The following NCAPD3 variants were observed in gnomAD, a reference collection of about 807,000 sequenced individuals.
NCAPD3 encodes the protein non-SMC condensin II complex subunit D3, also known as condensin-2 complex subunit D3.
Under a neutral mutation model 182.9 loss-of-function variants are expected in NCAPD3, and 105 were observed. The ratio of observed to expected loss-of-function variants is 0.57; its 90% CI spans 0.49 to 0.68. The LOEUF is 0.68. Among genes scored for constraint, NCAPD3 ranks in the 30% least tolerant of loss-of-function variants. The pLI is 0.00. For missense variants in NCAPD3, 1,944 were observed against 1,837.0 expected (o/e 1.06, Z -1.07); for synonymous variants, 815 against 679.9 (o/e 1.20, Z -3.09).
chr11:134,193,971 A>ATAT (rs1237505718), intron 15 of NCAPD3, 45 bp downstream of exon 15: 4 of 1,556,066 alleles, frequency 2.6e-6, no homozygotes, highest in Non-Finnish European at 3.5e-6. Flanking sequence ...AATTACTTTT[A>ATAT]ATGTAAAATA....
intron 1 of NCAPD3, among the ~76,000 whole-genome samples, chr11:134,221,779 C>T (rs188236641): frequency 2.6e-5 from 4 of 152,326 alleles, no homozygotes; most frequent in East Asian, 3.9e-4. Context: ...AAAGGCCTTA[C>T]ACTCAACTAG....
At chr11:134,214,403 GA>G (rs1273612403) in intron 3 of NCAPD3, among the ~76,000 whole-genome samples, 2 of 152,184 alleles carry the variant, frequency 1.3e-5, no homozygotes, top group Non-Finnish European at 2.9e-5. Flanking sequence ...GTGGGATGCA[GA>G]TGAAGCTGTA....
intron 2 of NCAPD3, among the ~76,000 whole-genome samples, chr11:134,219,312 TCA>T (rs1441354101): frequency 2.6e-5 from 4 of 152,204 alleles, no homozygotes; most frequent in African/African-American, 4.8e-5. Context: ...GGAGCATTTT[TCA>T]CAGTGTGGTT....
intron 13 of NCAPD3, among the ~76,000 whole-genome samples, chr11:134,201,722 A>AC (rs1944753137): frequency 6.6e-6 from 1 of 152,254 alleles, no homozygotes; most frequent in Non-Finnish European, 1.5e-5. Flanking sequence ...TTGCTTGAAA[A>AC]AGTCTGTGCC....
upstream of NCAPD3, chr11:134,224,937 G>A (rs899537047): frequency 5.3e-4 from 158 of 297,420 alleles, no homozygotes; most frequent in African/African-American, 3.2e-3. Flanking sequence ...CCCCGGCCGT[G>A]CCCCTCCCCC....
rs375883008 is a variant in NCAPD3 at position 134,223,954 on chromosome 11, C to A, written c.-28G>T. 1.0e-4 allele frequency: 166 copies of A among 1,608,394 alleles called. No homozygotes were observed. The African/African-American group carries it at 1.7e-3, about 17-fold the overall frequency. ...TCCCAGGGCACCGGCTCGCCGCCGC[C>A]GTGCTCAACTTTCAAAGCTCGCTCC... is the stretch of plus-strand genomic sequence containing the variant. On this transcript the variant is annotated 5_prime_UTR_variant, in exon 1 of 35. Transcript: ENST00000534548.
chr11:134,212,402 T>C (rs1263188828), intron 3 of NCAPD3, among the ~76,000 whole-genome samples: 3 of 151,734 alleles, frequency 2.0e-5, no homozygotes, highest in Non-Finnish European at 4.4e-5. Context: ...TGTGTGTGTG[T>C]GTGTGTGTTC....
In NCAPD3 at chr11:134,204,885, A is replaced by G. The variant is rs1173443812; in HGVS notation, c.1089+14T>C. 9.4e-6 allele frequency: 15 copies of G among 1,590,612 alleles called. No individual in the cohort carries two copies. The highest frequency in any genetic ancestry group is 1.3e-5 in the Non-Finnish European group (15 of 1,159,200). On this transcript the variant is annotated intron_variant, in intron 9 of 34. Transcript: ENST00000534548. The surrounding 1 kb of genome is among the most constrained non-coding windows in gnomAD (Gnocchi z 4.3). ...ATACTTCCATGTTATTAATATTACT[A>G]AGGCAAACAGTACCTTGGCACAGAT...
At chr11:134,173,668 T>G (rs1944077521) in intron 24 of NCAPD3, 1 of 152,336 alleles carries the variant, frequency 6.6e-6, no homozygotes, top group African/African-American at 2.4e-5. Context: ...CTATCTGAAG[T>G]CCAGCTGGTG....
At chr11:134,197,444 T>C (rs563859080) in intron 13 of NCAPD3, among the ~76,000 whole-genome samples, 18 of 152,138 alleles carry the variant, frequency 1.2e-4, no homozygotes, top group African/African-American at 4.1e-4. Context: ...GCCCAGCTAA[T>C]TTTTGTATTT....
chr11:134,197,145 C>T (rs759616897), intron 13 of NCAPD3, among the ~76,000 whole-genome samples: 37 of 152,124 alleles, frequency 2.4e-4, no homozygotes, highest in Non-Finnish European at 4.9e-4. Context: ...TCCCTTTTGG[C>T]TTTCTGCTAT....
chr11:134,159,431 C>G (rs923168682), intron 29 of NCAPD3, among the ~76,000 whole-genome samples: 17 of 152,236 alleles, frequency 1.1e-4, no homozygotes, highest in African/African-American at 4.1e-4. Flanking sequence ...TATGAGAAAG[C>G]TGCCACTTGT....
chr11:134,152,952 C>G lies in NCAPD3; in HGVS notation c.4489G>C (p.Ala1497Pro). ...RSLRKTPLKT[A>P]N ...CTGGTGGGAGGCGCTGTTTAGTTGG[C>G]TGTTTTCAGAGGGGTCTTTCGGAGG... The change falls in exon 35 of 35, where the codon GCC becomes CCC. Residue 1497 changes from alanine (A) to proline (P), a missense_variant. Ala to Pro is a conservative substitution (Grantham distance 27, BLOSUM62 -1). This residue lies in a region of NCAPD3 where 1,803 missense variants were observed against 1,674.6 expected (regional missense o/e 1.08). Transcript: ENST00000534548. 6.4e-7 allele frequency: 1 copy of G among 1,551,912 alleles called. No homozygotes were observed. Among genetic ancestry groups the G allele is most frequent in the South Asian group, 1.3e-5 (1 of 79,676 alleles).
chr11:134,195,867 C>T (rs1441282303), intron 13 of NCAPD3, among the ~76,000 whole-genome samples: 1 of 152,088 alleles, frequency 6.6e-6, no homozygotes, highest in Non-Finnish European at 1.5e-5. Context: ...AGTCATGGGA[C>T]CACTGGAAAA....
At chr11:134,184,847 ACACCT>A in intron 18 of NCAPD3, 51 bp downstream of exon 18, 1 of 1,391,570 alleles carries the variant, frequency 7.2e-7, no homozygotes, top group Non-Finnish European at 1.0e-6. Flanking sequence ...ACACACACAC[ACACCT>A]GAAATGAACA....
At chr11:134,179,429 G>T (rs1211666909) in intron 20 of NCAPD3, among the ~76,000 whole-genome samples, 1 of 152,168 alleles carries the variant, frequency 6.6e-6, no homozygotes, top group Non-Finnish European at 1.5e-5. Flanking sequence ...CAATATGTAT[G>T]ACACATATGT....
rs762781869 is a variant in NCAPD3 at position 134,153,194 on chromosome 11, A to G, written c.4334T>C (p.Ile1445Thr). Residue 1445 changes from isoleucine (I) to threonine (T), a missense_variant, in exon 34 of 35, where the codon ATT (isoleucine) becomes ACT (threonine). Transcript: ENST00000534548. Reference protein sequence around the residue: ...PRTPSSAKEKIEGRSQGNDIL... With the variant: ...PRTPSSAKEKTEGRSQGNDIL... ...GTCATTTCCTTGACTCCGGCCTTCA[A>G]TTTTCTCTAAAAGGGAGTCAAACAA... 4 of 1,614,140 alleles carry G rather than the reference A, an allele frequency of 2.5e-6. No individual in the cohort carries two copies. Among genetic ancestry groups the G allele is most frequent in the East Asian group, 4.5e-5 (2 of 44,878 alleles).
rs144614686 is a variant in NCAPD3 at position 134,204,137 on chromosome 11, G to A, written c.1124C>T (p.Ala375Val). The change falls in exon 10 of 35, where the codon GCC becomes GTC. Residue 375 changes from alanine to valine, a missense_variant. Around this residue, in one of 3 missense-constraint regions of NCAPD3, gnomAD observed 1,803 missense variants for 1,674.6 expected, o/e 1.08. Coordinates refer to ENST00000534548, the MANE Select transcript of NCAPD3 (RefSeq NM_015261.3). This position sits in a 1 kb window ranked among gnomAD's most constrained non-coding sequence, Gnocchi z 4.3. ...VDKSEYRTFA[A>V]QSLVQLLSKL... ...ACTGAGCAGCTGGACTAGGGACTGG[G>A]CTGCAAAAGTACGATACTCTGATTT... The A allele has an allele frequency of 5.6e-6, 9 of 1,613,922 alleles. No homozygotes were observed. The highest frequency in any genetic ancestry group is 1.1e-5 in the South Asian group (1 of 91,086).
Position 134,152,867 on chromosome 11 carries a change from A to G in NCAPD3, c.*77T>C. ...GCCCAAGGACTGCGGGAAGTGATCC[A>G]GCTGCCTTCACACGGAGGACACGAG... is the stretch of plus-strand genomic sequence containing the variant. On this transcript the variant is annotated 3_prime_UTR_variant, in exon 35 of 35. Transcript: ENST00000534548. 1 of 1,195,388 alleles carries G rather than the reference A, an allele frequency of 8.4e-7. No homozygotes were observed. The highest frequency in any genetic ancestry group is 1.5e-5 in the South Asian group (1 of 66,866). The allele number at this position is 1,195,388 out of a possible 1,614,324, so 74.0% of individuals were successfully genotyped here.
Sources: gnomAD v4.1 joint callset for allele counts (sites outside exome capture counted in the v4.1 genomes callset) on GRCh38, gnomAD v4.1.1 for gene constraint, gnomAD v4.1.1 regional missense constraint, Gnocchi (gnomAD v3.1) non-coding constraint, MANE v1.5 for transcripts, NCBI Gene and HGNC (gene_info 2026-07-23, HGNC 2026-07-21) for gene names.